Variants in EPB41L2 observed in about 807,000 individuals in gnomAD.
EPB41L2 encodes erythrocyte membrane protein band 4.1 like 2, also known as band 4.1-like protein 2.
Under a neutral mutation model 113.0 loss-of-function variants are expected in EPB41L2, and 43 were observed. The ratio of observed to expected loss-of-function variants is 0.38; its 90% CI spans 0.30 to 0.49. The LOEUF (loss-of-function observed/expected upper bound fraction) is 0.49. Ranked by LOEUF, EPB41L2 falls within the 20% of genes least tolerant of loss-of-function variation. EPB41L2 has a pLI of 0.95. For synonymous variants in EPB41L2, 442 were observed against 436.7 expected (o/e 1.01, Z -0.15); for missense variants, 1,147 against 1,223.4 (o/e 0.94, Z 0.93).
chr6:130,943,566 C>T (rs1274731339), intron 3 of EPB41L2, among the ~76,000 whole-genome samples: 1 of 152,188 alleles, frequency 6.6e-6, no homozygotes, highest in Non-Finnish European at 1.5e-5. Flanking sequence ...TGGACAGTTT[C>T]TTCAAAAGTA....
At chr6:130,939,495 C>T (rs1810042858) in intron 3 of EPB41L2, among the ~76,000 whole-genome samples, 1 of 152,052 alleles carries the variant, frequency 6.6e-6, no homozygotes, top group Non-Finnish European at 1.5e-5. Context: ...CCTCGTGATC[C>T]GCCCACCTCG....
At chr6:130,917,047 C>T (rs1323204384) in intron 4 of EPB41L2, among the ~76,000 whole-genome samples, 1 of 152,072 alleles carries the variant, frequency 6.6e-6, no homozygotes, top group African/African-American at 2.4e-5. Flanking sequence ...CTTTGAACTC[C>T]TCCCCATCAC....
At chr6:130,924,473 G>C (rs532574537) in intron 4 of EPB41L2, among the ~76,000 whole-genome samples, 2 of 152,086 alleles carry the variant, frequency 1.3e-5, no homozygotes, top group South Asian at 4.2e-4. Context: ...CTACCTCCCG[G>C]GTTCAAACGA....
chr6:131,023,750 T>C (rs1790127183), intron 1 of EPB41L2, among the ~76,000 whole-genome samples: 1 of 117,152 alleles, frequency 8.5e-6, no homozygotes, highest in South Asian at 2.5e-4. Context: ...TATATATCTA[T>C]ATATAGATAT....
intron 1 of EPB41L2, among the ~76,000 whole-genome samples, chr6:131,025,146 CAAGTT>C (rs1235492016): frequency 1.3e-5 from 2 of 152,162 alleles, no homozygotes; most frequent in Non-Finnish European, 1.5e-5. Context: ...CAGATACCCA[CAAGTT>C]CCAAGACCAC....
chr6:130,901,760 C>T (rs75782441), intron 6 of EPB41L2, among the ~76,000 whole-genome samples: 2,221 of 152,264 alleles, frequency 0.015, 64 homozygotes, highest in African/African-American at 0.05. Context: ...TCTATATGAC[C>T]TTGAGCAAGT....
intron 3 of EPB41L2, among the ~76,000 whole-genome samples, chr6:130,954,740 A>C (rs1816822140): frequency 6.6e-6 from 1 of 152,202 alleles, no homozygotes. Flanking sequence ...CTGTCTCAGG[A>C]TAAAACACTT....
At chr6:130,953,608 TA>T (rs1816065683) in intron 3 of EPB41L2, among the ~76,000 whole-genome samples, 1 of 151,954 alleles carries the variant, frequency 6.6e-6, no homozygotes, top group African/African-American at 2.4e-5. Flanking sequence ...ACGGCGCATG[TA>T]TACATATGTA....
Position 130,878,125 on chromosome 6 carries a change from A to T in EPB41L2, c.2022T>A (p.Pro674=). 1 of 1,613,006 alleles carries T rather than the reference A, an allele frequency of 6.2e-7. No individual in the cohort carries two copies. Among genetic ancestry groups the T allele is most frequent in the Non-Finnish European group, 8.5e-7 (1 of 1,179,612 alleles). ...ATACCCCTTGTGTCTGTAGGGACAG[A>T]GGTGTGATACGTCGTTTTTCCCATT... The part of the protein sequence containing the change: ...PNEWEKRRIT[P]LSLQTQGSSH... The change falls in exon 14 of 20, where the codon CCT becomes CCA. Residue 674 remains proline (P), a synonymous_variant. Transcript: ENST00000337057.
intron 3 of EPB41L2, among the ~76,000 whole-genome samples, chr6:130,928,313 C>T (rs1259375598): frequency 4.6e-5 from 7 of 152,126 alleles, no homozygotes; most frequent in Admixed American, 4.6e-4. Flanking sequence ...AATACACTTC[C>T]ACTACTTACA....
At chr6:130,916,319 A>G (rs945767098) in intron 4 of EPB41L2, among the ~76,000 whole-genome samples, 2 of 152,226 alleles carry the variant, frequency 1.3e-5, no homozygotes, top group African/African-American at 2.4e-5. Context: ...AAATCTGAGG[A>G]TGAAAGTCTT....
At chr6:131,030,278 G>A (rs536004742) in intron 1 of EPB41L2, among the ~76,000 whole-genome samples, 1 of 152,328 alleles carries the variant, frequency 6.6e-6, no homozygotes, top group East Asian at 1.9e-4. Flanking sequence ...CCTTGGGGCT[G>A]GAACATCCTG....
At chr6:130,995,372 C>T (rs1782858784) in intron 1 of EPB41L2, among the ~76,000 whole-genome samples, 1 of 152,168 alleles carries the variant, frequency 6.6e-6, no homozygotes. Flanking sequence ...GGCACAGTGG[C>T]TCATGCCTGT....
At chr6:131,054,196 C>T (rs940248641) in intron 1 of EPB41L2, among the ~76,000 whole-genome samples, 2 of 152,210 alleles carry the variant, frequency 1.3e-5, no homozygotes, top group Admixed American at 1.3e-4. Context: ...ACCTTGAGGG[C>T]ACCCACACAG....
chr6:130,846,447 G>T (rs1280834535), intron 19 of EPB41L2, among the ~76,000 whole-genome samples: 1 of 152,196 alleles, frequency 6.6e-6, no homozygotes, highest in Non-Finnish European at 1.5e-5. Context: ...AACTGCTTAT[G>T]TCCAATCTGC....
At chr6:130,918,921 G>T (rs545608231) in intron 4 of EPB41L2, among the ~76,000 whole-genome samples, 1 of 152,140 alleles carries the variant, frequency 6.6e-6, no homozygotes, top group East Asian at 1.9e-4. Flanking sequence ...ATTTATGTGG[G>T]GGAAAAAATA....
chr6:131,058,098 G>A (rs6942081), intron 1 of EPB41L2, among the ~76,000 whole-genome samples: 1 of 152,094 alleles, frequency 6.6e-6, no homozygotes, highest in Non-Finnish European at 1.5e-5. Flanking sequence ...CTCTAATAAG[G>A]TAGAGTGAAA....
chr6:130,867,154 C>T (rs1784040545), intron 16 of EPB41L2, among the ~76,000 whole-genome samples: 1 of 152,154 alleles, frequency 6.6e-6, no homozygotes, highest in Non-Finnish European at 1.5e-5. Flanking sequence ...TAAGTGTACA[C>T]AAACATTCTT....
At chr6:130,976,064 T>C (rs1394152995) in intron 1 of EPB41L2, among the ~76,000 whole-genome samples, 1 of 152,124 alleles carries the variant, frequency 6.6e-6, no homozygotes, top group Non-Finnish European at 1.5e-5. Context: ...TCTTTTTTTT[T>C]ATTCTGATTG....
Sources: gnomAD v4.1 joint callset for allele counts (sites outside exome capture counted in the v4.1 genomes callset) on GRCh38, gnomAD v4.1.1 for gene constraint, MANE v1.5 for transcripts, NCBI Gene and HGNC (gene_info 2026-07-23, HGNC 2026-07-21) for gene names.